The following VWA8 variants were observed in gnomAD, a reference collection of about 807,000 sequenced individuals.
VWA8 encodes von Willebrand factor A domain containing 8, also known as von Willebrand factor A domain-containing protein 8.
Under a neutral mutation model 241.5 loss-of-function variants are expected in VWA8, and 221 were observed. That is an observed-to-expected ratio of 0.91 (90% CI 0.82 to 1.02). The LOEUF (loss-of-function observed/expected upper bound fraction) is 1.02, where lower values mean the gene tolerates loss of function less well. Among genes scored for constraint, VWA8 ranks in the 50% least tolerant of loss-of-function variants. VWA8 has a pLI of 0.00. For missense variants in VWA8, 2,322 were observed against 2,328.7 expected (o/e 1.00, Z 0.06); for synonymous variants, 852 against 827.1 (o/e 1.03, Z -0.52).
rs528426173 is a variant in VWA8, at chr13:41,735,260, G to A, written c.2427-3105C>T. On this transcript the variant is annotated intron_variant, in intron 21 of 44. Transcript: ENST00000379310. ...AGGAACTCTTCCATCATTATTAGTA[G>A]AAAGGAAATTCAGTTGTTACCTTAA... Among the ~76,000 whole-genome samples, 7 of 152,252 alleles carry A rather than the reference G, an allele frequency of 4.6e-5. No homozygotes were observed. In the East Asian group the frequency reaches 1.3e-3, roughly 29 times the overall value.
chr13:41,916,491 G>A (rs1394538814), intron 2 of VWA8, among the ~76,000 whole-genome samples: 1 of 152,160 alleles, frequency 6.6e-6, no homozygotes, highest in African/African-American at 2.4e-5. Context: ...TCAATGGTAT[G>A]TTTTATTCCT....
In VWA8 at chr13:41,885,987, T is replaced by C. The variant is rs768148813; in HGVS notation, c.908A>G (p.Gln303Arg). Residue 303 changes from glutamine to arginine, a missense_variant, in exon 8 of 45, where the codon CAA (glutamine) becomes CGA (arginine). Transcript: ENST00000379310. ...LLSFATTLCS[Q>R]ESSTLGLPDF... ...TGGAAGTCCAAGAGTAGAAGATTCT[T>C]GGGAACACAGAGTTGTGGCAAAGGA... 5 of 1,607,522 alleles carry C rather than the reference T, an allele frequency of 3.1e-6. No homozygotes were observed. The highest frequency in any genetic ancestry group is 4.2e-6 in the Non-Finnish European group (5 of 1,178,402).
chr13:41,573,486 A>AAAT, intron 43 of VWA8, among the ~76,000 whole-genome samples: 4 of 113,600 alleles, frequency 3.5e-5, no homozygotes, highest in South Asian at 3.1e-4. Context: ...AAAAAAAAAA[A>AAAT]ATATATATAT....
intron 2 of VWA8, among the ~76,000 whole-genome samples, chr13:41,936,309 T>C (rs1877346346): frequency 6.6e-6 from 1 of 152,178 alleles, no homozygotes; most frequent in African/African-American, 2.4e-5. Context: ...CGTTCACATG[T>C]TTATTGTTCA....
chr13:41,619,132 T>A (rs1466159479), intron 37 of VWA8, among the ~76,000 whole-genome samples: 1 of 152,238 alleles, frequency 6.6e-6, no homozygotes, highest in Non-Finnish European at 1.5e-5. Context: ...CATTTGTTTG[T>A]GTCCTATTTC....
chr13:41,891,655 G>A (rs1023879466), intron 4 of VWA8, 68 bp from the exon 5 acceptor site: 3 of 1,538,690 alleles, frequency 1.9e-6, no homozygotes, highest in African/African-American at 2.7e-5. Flanking sequence ...AACATTACTT[G>A]TAATTCAAAT....
In VWA8 at chr13:41,587,578, A is replaced by G; in HGVS notation, c.5205T>C (p.Leu1735=). The change falls in exon 42 of 45, where the codon CTT becomes CTC. Residue 1735 remains leucine (L), a synonymous_variant. Coordinates refer to ENST00000379310, the MANE Select transcript of VWA8 (RefSeq NM_015058.2). The stretch of plus-strand genomic sequence containing the variant: ...TACACACAGCCTCCATTGTGCGCTC[A>G]AGCCGGCCATCCATCCTGTTGAAAC... The part of the protein sequence containing the change: ...MYRFNRMDGR[L]ERTMEAVCMV... The G allele has an allele frequency of 6.2e-7, 1 of 1,614,164 alleles. No individual in the cohort carries two copies. Among genetic ancestry groups the G allele is most frequent in the Non-Finnish European group, 8.5e-7 (1 of 1,180,030 alleles).
chr13:41,614,948 G>A (rs1251251211), intron 38 of VWA8, 28 bp downstream of exon 38: 1 of 1,610,242 alleles, frequency 6.2e-7, no homozygotes, highest in East Asian at 2.2e-5. Flanking sequence ...GGGGAAGGCT[G>A]ACTCAGGAGA....
intron 12 of VWA8, among the ~76,000 whole-genome samples, chr13:41,834,729 G>A (rs1871637747): frequency 6.6e-6 from 1 of 152,130 alleles, no homozygotes; most frequent in Non-Finnish European, 1.5e-5. Flanking sequence ...TCCCATTACT[G>A]AGTATATACC....
chr13:41,895,985 T>C (rs1875088582), intron 4 of VWA8, among the ~76,000 whole-genome samples: 1 of 151,978 alleles, frequency 6.6e-6, no homozygotes, highest in Admixed American at 6.5e-5. Flanking sequence ...TAATAATCCA[T>C]TAGACAAATT....
intron 2 of VWA8, among the ~76,000 whole-genome samples, chr13:41,913,611 T>C (rs1190892115): frequency 6.6e-6 from 1 of 152,232 alleles, no homozygotes; most frequent in Admixed American, 6.5e-5. Flanking sequence ...TGTACTCCCC[T>C]GCCCCAAAGA....
At chr13:41,895,831 C>CTTTTT (rs59080554) in intron 4 of VWA8, among the ~76,000 whole-genome samples, 4 of 130,020 alleles carry the variant, frequency 3.1e-5, no homozygotes, top group Non-Finnish European at 6.5e-5. Context: ...TGCAAATTTT[C>CTTTTT]TTTTTTTTTT....
intron 26 of VWA8, among the ~76,000 whole-genome samples, chr13:41,709,601 A>T (rs778905708): frequency 2.6e-5 from 4 of 152,262 alleles, no homozygotes; most frequent in Non-Finnish European, 5.9e-5. Context: ...TTTTCTTAAA[A>T]TGTCTCCAGT....
chr13:41,595,182 A>C (rs1011806267), intron 40 of VWA8, among the ~76,000 whole-genome samples: 1 of 152,194 alleles, frequency 6.6e-6, no homozygotes, highest in Non-Finnish European at 1.5e-5. Flanking sequence ...ATCATGCAAG[A>C]ATCCAGGGAT....
intron 12 of VWA8, among the ~76,000 whole-genome samples, chr13:41,836,176 G>T (rs1871719879): frequency 6.6e-6 from 1 of 152,024 alleles, no homozygotes; most frequent in South Asian, 2.1e-4. Context: ...ATGTGAGATT[G>T]CAAAAGATAT....
At chr13:41,848,504 C>T (rs914273423) in intron 12 of VWA8, among the ~76,000 whole-genome samples, 1 of 152,104 alleles carries the variant, frequency 6.6e-6, no homozygotes, top group Non-Finnish European at 1.5e-5. Context: ...GTGGTTTCCC[C>T]TATGCTGTTC....
At chr13:41,617,731 C>T (rs1247189814) in intron 37 of VWA8, among the ~76,000 whole-genome samples, 2 of 152,020 alleles carry the variant, frequency 1.3e-5, no homozygotes, top group African/African-American at 4.8e-5. Flanking sequence ...TGAGTGAGAA[C>T]ATGCAGTGTT....
chr13:41,675,902 TG>T (rs1411219258), intron 35 of VWA8, among the ~76,000 whole-genome samples: 5 of 152,038 alleles, frequency 3.3e-5, no homozygotes, highest in South Asian at 2.1e-4. Flanking sequence ...ACACAGTATC[TG>T]TCATTATTAG....
intron 12 of VWA8, among the ~76,000 whole-genome samples, chr13:41,840,500 G>A (rs1400549909): frequency 6.6e-6 from 1 of 151,976 alleles, no homozygotes; most frequent in Non-Finnish European, 1.5e-5. Flanking sequence ...GCTCATGCTT[G>A]TAATTCTAGC....
Sources: gnomAD v4.1 joint callset for allele counts (sites outside exome capture counted in the v4.1 genomes callset) on GRCh38, gnomAD v4.1.1 for gene constraint, MANE v1.5 for transcripts, NCBI Gene and HGNC (gene_info 2026-07-23, HGNC 2026-07-21) for gene names.